Variants in VTI1A observed in about 807,000 individuals in gnomAD.
The protein encoded by VTI1A is vesicle transport through interaction with t-SNAREs 1A, also known as vesicle transport through interaction with t-SNAREs homolog 1A.
In VTI1A, 22 loss-of-function variants were observed where a neutral mutation model predicts 34.9. That is an observed-to-expected ratio of 0.63 (90% confidence interval 0.45 to 0.90). VTI1A has a LOEUF of 0.90. Ranked by LOEUF, VTI1A falls within the 40% of genes least tolerant of loss-of-function variation. VTI1A has a pLI of 0.00. For synonymous variants in VTI1A, 87 were observed against 97.3 expected (o/e 0.89, Z 0.62); for missense variants, 268 against 275.6 (o/e 0.97, Z 0.20).
chr10:112,519,115 G>C (rs555013203), intron 3 of VTI1A, among the ~76,000 whole-genome samples: 1 of 152,014 alleles, frequency 6.6e-6, no homozygotes, highest in South Asian at 2.1e-4. Context: ...TAAAGAAACT[G>C]TCGCAACATG....
intron 7 of VTI1A, among the ~76,000 whole-genome samples, chr10:112,682,755 G>A (rs1357536540): frequency 6.6e-6 from 1 of 152,194 alleles, no homozygotes; most frequent in Admixed American, 6.5e-5. Context: ...CCTGGCTGGA[G>A]CATTCCCAAG....
the VTI1A span, among the ~76,000 whole-genome samples, chr10:112,849,521 G>T: frequency 1.3e-5 from 2 of 152,208 alleles, no homozygotes; most frequent in Non-Finnish European, 2.9e-5. Flanking sequence ...TCTAGGGCTG[G>T]TCCCTTCTTA....
intron 3 of VTI1A, among the ~76,000 whole-genome samples, chr10:112,503,039 G>A (rs1268421790): frequency 6.6e-6 from 1 of 152,088 alleles, no homozygotes; most frequent in Non-Finnish European, 1.5e-5. Context: ...GGGTACATGT[G>A]ATAATTTTAT....
At chr10:112,606,493 C>T (rs1360441641) in intron 5 of VTI1A, among the ~76,000 whole-genome samples, 1 of 152,170 alleles carries the variant, frequency 6.6e-6, no homozygotes, top group Non-Finnish European at 1.5e-5. Context: ...TGGGGCAAGT[C>T]ACCATAAGAC....
At chr10:112,584,858 T>C (rs760955547) in intron 5 of VTI1A, among the ~76,000 whole-genome samples, 1 of 152,116 alleles carries the variant, frequency 6.6e-6, no homozygotes, top group Non-Finnish European at 1.5e-5. Context: ...TGGAGAGAGA[T>C]AGTGAGGGGC....
intron 3 of VTI1A, among the ~76,000 whole-genome samples, chr10:112,513,037 A>C (rs552667820): frequency 6.6e-6 from 1 of 152,190 alleles, no homozygotes; most frequent in Non-Finnish European, 1.5e-5. Context: ...TTTTGGTTCC[A>C]TATAATTTTA....
intron 7 of VTI1A, among the ~76,000 whole-genome samples, chr10:112,774,928 G>A (rs1024280182): frequency 2.0e-5 from 3 of 152,064 alleles, no homozygotes; most frequent in Non-Finnish European, 2.9e-5. Flanking sequence ...CATGCAACAG[G>A]GCTGACATAT....
chr10:112,664,281 C>T (rs1212326877), intron 5 of VTI1A, among the ~76,000 whole-genome samples: 1 of 152,108 alleles, frequency 6.6e-6, no homozygotes, highest in African/African-American at 2.4e-5. Flanking sequence ...AGATTTGAGG[C>T]TCGTTCCCTT....
chr10:112,836,123 C>T, the VTI1A span, among the ~76,000 whole-genome samples: 6 of 152,320 alleles, frequency 3.9e-5, no homozygotes, highest in Non-Finnish European at 5.9e-5. Flanking sequence ...GTCCTCTTCC[C>T]GGGTGAGGTT....
chr10:112,691,887 A>G (rs1026927703), intron 7 of VTI1A, among the ~76,000 whole-genome samples: 11 of 152,214 alleles, frequency 7.2e-5, no homozygotes, highest in Non-Finnish European at 1.2e-4. Context: ...GGGAGACTCA[A>G]TTGGGATCAC....
At chr10:112,614,144 T>C (rs1845426514) in intron 5 of VTI1A, among the ~76,000 whole-genome samples, 1 of 152,200 alleles carries the variant, frequency 6.6e-6, no homozygotes, top group South Asian at 2.1e-4. Flanking sequence ...CCTGAGTTCG[T>C]TAGTTAAAGA....
chr10:112,455,884 C>T (rs993518033), intron 1 of VTI1A, among the ~76,000 whole-genome samples: 1 of 151,874 alleles, frequency 6.6e-6, no homozygotes, highest in African/African-American at 2.4e-5. Flanking sequence ...TTATTTTTTT[C>T]GTGAAGGGAA....
At chr10:112,714,042 T>C (rs1849522245) in intron 7 of VTI1A, among the ~76,000 whole-genome samples, 1 of 152,132 alleles carries the variant, frequency 6.6e-6, no homozygotes, top group African/African-American at 2.4e-5. Flanking sequence ...ATTCTAGGTC[T>C]CCCCACTGTA....
At chr10:112,781,469 T>C (rs1852126057) in intron 7 of VTI1A, among the ~76,000 whole-genome samples, 1 of 152,182 alleles carries the variant, frequency 6.6e-6, no homozygotes, top group Non-Finnish European at 1.5e-5. Context: ...GTCCTGAAGC[T>C]AGGCAGTTTC....
chr10:112,769,903 G>A (rs573742612), intron 7 of VTI1A, among the ~76,000 whole-genome samples: 1 of 152,264 alleles, frequency 6.6e-6, no homozygotes, highest in African/African-American at 2.4e-5. Flanking sequence ...GTTGAGAACT[G>A]GAGAGGGAGT....
intron 1 of VTI1A, chr10:112,448,596 T>C (rs1026153054): frequency 6.7e-6 from 1 of 148,966 alleles, no homozygotes; most frequent in Non-Finnish European, 1.5e-5. Flanking sequence ...GGTTTTACAT[T>C]TTTGTTTAGT....
rs191472504 is a variant in VTI1A at position 112,531,669 on chromosome 10, A to G, written c.342+4505A>G. Among the ~76,000 whole-genome samples, 613 of 152,282 alleles carry G rather than the reference A, an allele frequency of 4.0e-3. 7 individuals are homozygous for G. The highest frequency in any genetic ancestry group is 0.014 in the African/African-American group (567 of 41,560). On this transcript the variant is annotated intron_variant, in intron 4 of 7. Coordinates refer to ENST00000393077, the MANE Select transcript of VTI1A (RefSeq NM_145206.4). ...CACTCATTGATTATGGCAGGGTGGC[A>G]TGCCCCAAATGGTCTCTATTGCTGA... is the stretch of plus-strand genomic sequence containing the variant.
chr10:112,824,660 G>A, the VTI1A span: 1 of 152,250 alleles, frequency 6.6e-6, no homozygotes. Flanking sequence ...TGGGGCTCTG[G>A]TCTTTTCCCA....
intron 5 of VTI1A, among the ~76,000 whole-genome samples, chr10:112,646,563 G>GC (rs1338859573): frequency 2.0e-5 from 3 of 150,244 alleles, no homozygotes; most frequent in Non-Finnish European, 4.4e-5. Flanking sequence ...TGCTCTTCTT[G>GC]CCCAAGCTGC....
Sources: gnomAD v4.1 joint callset for allele counts (sites outside exome capture counted in the v4.1 genomes callset) on GRCh38, gnomAD v4.1.1 for gene constraint, MANE v1.5 for transcripts, NCBI Gene and HGNC (gene_info 2026-07-23, HGNC 2026-07-21) for gene names.